RBM20: variants seen among roughly 807,000 people sequenced by gnomAD.
RBM20 encodes the protein RNA-binding protein 20.
In RBM20, 51 loss-of-function variants were observed where a neutral mutation model predicts 110.1. The ratio of observed to expected loss-of-function variants is 0.46; its 90% CI spans 0.37 to 0.59. The LOEUF is 0.59. Among genes scored for constraint, RBM20 ranks in the 20% least tolerant of loss-of-function variants. The pLI, the probability that RBM20 is intolerant of heterozygous loss-of-function variation, is 0.00. For synonymous variants in RBM20, 589 were observed against 618.2 expected (o/e 0.95, Z 0.70); for missense variants, 1,512 against 1,574.9 (o/e 0.96, Z 0.68).
At chr10:110,671,953 C>G (rs976967768) in intron 1 of RBM20, among the ~76,000 whole-genome samples, 4 of 152,174 alleles carry the variant, frequency 2.6e-5, no homozygotes, top group South Asian at 2.1e-4. Context: ...AAAATATCAC[C>G]TGGGACCCGA....
intron 5 of RBM20, among the ~76,000 whole-genome samples, chr10:110,791,191 T>C (rs146793605): frequency 6.6e-6 from 1 of 152,366 alleles, no homozygotes; most frequent in African/African-American, 2.4e-5. Context: ...AATCAACATC[T>C]TGCTCTCTGC....
chr10:110,725,947 C>A (rs901701982), intron 1 of RBM20, among the ~76,000 whole-genome samples: 1 of 151,838 alleles, frequency 6.6e-6, no homozygotes, highest in South Asian at 2.1e-4. Context: ...CCCCCTCCCC[C>A]GACCCCATCC....
At chr10:110,783,206 G>T (rs1192112556) in intron 2 of RBM20, among the ~76,000 whole-genome samples, 160 bp from the exon 3 acceptor site, 2 of 152,196 alleles carry the variant, frequency 1.3e-5, no homozygotes, top group Admixed American at 6.5e-5. Context: ...AGTGGGAGGA[G>T]CCTGGGAGGG....
At chr10:110,677,485 A>AT (rs1286558141) in intron 1 of RBM20, among the ~76,000 whole-genome samples, 8 of 151,950 alleles carry the variant, frequency 5.3e-5, no homozygotes, top group African/African-American at 1.7e-4. Flanking sequence ...CGCCCAGCTA[A>AT]TTTTTTGTAT....
intron 1 of RBM20, among the ~76,000 whole-genome samples, chr10:110,773,805 A>G (rs1844224266): frequency 6.6e-6 from 1 of 152,174 alleles, no homozygotes; most frequent in Non-Finnish European, 1.5e-5. Flanking sequence ...TTCTAAACCC[A>G]CCAGCTGCCC....
chr10:110,747,069 A>C (rs925501058), intron 1 of RBM20, among the ~76,000 whole-genome samples: 1 of 152,166 alleles, frequency 6.6e-6, no homozygotes, highest in African/African-American at 2.4e-5. Context: ...CCTGGTTTTG[A>C]TCATGTAATA....
chr10:110,813,045 C>T, intron 9 of RBM20, 98 bp downstream of exon 9: 1 of 849,152 alleles, frequency 1.2e-6, no homozygotes, highest in African/African-American at 1.7e-5. Context: ...AATGAATGAA[C>T]ATTTACTGGC....
chr10:110,685,392 C>T (rs140433203), intron 1 of RBM20, among the ~76,000 whole-genome samples: 14 of 152,222 alleles, frequency 9.2e-5, no homozygotes, highest in African/African-American at 3.1e-4. Context: ...AGGTCAGACT[C>T]GCAGGGACTT....
intron 1 of RBM20, among the ~76,000 whole-genome samples, chr10:110,667,278 G>A (rs1034579183): frequency 2.6e-5 from 4 of 152,228 alleles, no homozygotes; most frequent in African/African-American, 9.6e-5. Context: ...ACATCCCTGT[G>A]ACGTGGGTAC....
rs1844749476 is a variant in RBM20, at chr10:110,810,405, C to T, written c.1823C>T (p.Ala608Val). The change falls in exon 8 of 14, where the codon GCC (alanine) becomes GTC (valine). Residue 608 changes from alanine to valine, a missense_variant. Physicochemically the swap from Ala to Val is moderately conservative, Grantham distance 64 (BLOSUM62 0). Coordinates refer to ENST00000369519, the MANE Select transcript of RBM20 (RefSeq NM_001134363.3). The stretch of plus-strand genomic sequence containing the variant: ...TAGAAACCCGGGAAGGCCGTGGCTG[C>T]CATCATCCAGGACATCCATTCCCAG... ...QLKKPGKAVA[A>V]IIQDIHSQRE... 1.9e-6 allele frequency: 3 copies of T among 1,551,492 alleles called. No homozygotes were observed. The highest frequency in any genetic ancestry group is 2.4e-5 in the South Asian group (2 of 84,046).
At chr10:110,694,253 C>T (rs981480151) in intron 1 of RBM20, among the ~76,000 whole-genome samples, 6 of 152,130 alleles carry the variant, frequency 3.9e-5, no homozygotes, top group Non-Finnish European at 7.4e-5. Context: ...CCCAATGAAC[C>T]GAATGAAACC....
chr10:110,781,142 G>A lies in RBM20; in HGVS notation c.533G>A (p.Arg178Gln), dbSNP rs561085365. The change falls in exon 2 of 14, where the codon CGA (arginine) becomes CAA (glutamine). Residue 178 changes from arginine (R) to glutamine (Q), a missense_variant. Arg to Gln is a conservative substitution (Grantham distance 43). Coordinates refer to ENST00000369519, the MANE Select transcript of RBM20 (RefSeq NM_001134363.3). ...AIAFSPPSQT[R>Q]GPGPSMNLPN... ...GCCTTTTCACCCCCCAGCCAGACAC[G>A]AGGCCCCGGACCCTCCATGAACCTT... is the stretch of plus-strand genomic sequence containing the variant. The A allele has an allele frequency of 1.9e-5, 29 of 1,551,604 alleles. No individual in the cohort carries two copies. Among genetic ancestry groups the A allele is most frequent in the South Asian group, 5.9e-5 (5 of 84,044 alleles).
intron 6 of RBM20, 88 bp from the exon 7 acceptor site, chr10:110,799,699 T>C: frequency 1.5e-6 from 2 of 1,336,202 alleles, no homozygotes; most frequent in South Asian, 3.2e-5. Context: ...GTTCTTGAAC[T>C]TCATAGACGT....
At chr10:110,681,223 C>A (rs1053743103) in intron 1 of RBM20, among the ~76,000 whole-genome samples, 1 of 152,178 alleles carries the variant, frequency 6.6e-6, no homozygotes, top group African/African-American at 2.4e-5. Flanking sequence ...ACACTGTCTC[C>A]CCCTGCTGTT....
intron 1 of RBM20, among the ~76,000 whole-genome samples, chr10:110,754,651 T>A (rs1843899891): frequency 6.6e-6 from 1 of 152,270 alleles, no homozygotes; most frequent in African/African-American, 2.4e-5. Flanking sequence ...CATTTGTTTT[T>A]AAATTTTTCC....
intron 1 of RBM20, among the ~76,000 whole-genome samples, chr10:110,681,794 G>A (rs559403174): frequency 6.6e-6 from 1 of 151,240 alleles, no homozygotes; most frequent in Non-Finnish European, 1.5e-5. Context: ...AAGAATATTG[G>A]CACACTATTA....
chr10:110,673,359 A>C (rs1255971941), intron 1 of RBM20, among the ~76,000 whole-genome samples: 1 of 152,060 alleles, frequency 6.6e-6, no homozygotes, highest in Non-Finnish European at 1.5e-5. Context: ...TTACAGGCAC[A>C]CACCACCATG....
chr10:110,800,019 G>A, intron 7 of RBM20, 101 bp downstream of exon 7: 1 of 1,151,072 alleles, frequency 8.7e-7, no homozygotes, highest in Non-Finnish European at 1.2e-6. Context: ...GGAGAGGATA[G>A]GAAAAGATTC....
At chr10:110,730,665 C>T (rs7069118) in intron 1 of RBM20, among the ~76,000 whole-genome samples, 22,237 of 152,286 alleles carry the variant, frequency 0.15, 1,702 homozygotes, top group African/African-American at 0.16. Context: ...AGCATGTCCT[C>T]CTCTCCAAAG....
Sources: allele counts gnomAD v4.1 joint callset (sites outside exome capture counted in the v4.1 genomes callset), GRCh38; gene constraint gnomAD v4.1.1; transcripts MANE v1.5; gene names NCBI Gene and HGNC (gene_info 2026-07-23, HGNC 2026-07-21).